The following RPS6KL1 variants were observed in gnomAD, a reference collection of about 807,000 sequenced individuals.
RPS6KL1 encodes ribosomal protein S6 kinase-like 1.
Under a neutral mutation model 57.0 loss-of-function variants are expected in RPS6KL1, and 41 were observed. That is an observed-to-expected ratio of 0.72 (90% CI 0.56 to 0.93). The LOEUF is 0.93. RPS6KL1 is among the 40% of genes least tolerant of loss of function. RPS6KL1 has a pLI of 0.00. For synonymous variants in RPS6KL1, 287 were observed against 309.7 expected, an observed-to-expected ratio of 0.93 and a Z score of 0.77; for missense variants, 697 against 727.7, an observed-to-expected ratio of 0.96 and a Z score of 0.49.
rs979190949 is a variant in RPS6KL1 at position 74,905,968 on chromosome 14, C to T, written c.*1046G>A. The T allele has an allele frequency of 6.5e-6, 1 of 154,920 alleles. No homozygotes were observed. The highest frequency in any genetic ancestry group is 1.4e-5 in the Non-Finnish European group (1 of 69,646). The allele number at this position is 154,920 out of a possible 1,614,324, so 9.6% of individuals were successfully genotyped here. On this transcript the variant is annotated 3_prime_UTR_variant, in exon 12 of 12. Coordinates refer to ENST00000557413, the MANE Select transcript of RPS6KL1 (RefSeq NM_031464.5). ...ACAGGGTGAACCCTGAGAGGAGCCCCCAAACTGGAGGCAATTGTCTTTGAG... is the reference window on the plus strand; with the variant it reads ...ACAGGGTGAACCCTGAGAGGAGCCCTCAAACTGGAGGCAATTGTCTTTGAG...
chr14:74,912,228 A>ATGCACTG (rs1886128045), intron 5 of RPS6KL1, among the ~76,000 whole-genome samples: 1 of 152,120 alleles, frequency 6.6e-6, no homozygotes, highest in South Asian at 2.1e-4. Flanking sequence ...TGCTAGACAC[A>ATGCACTG]TGCACTGTGA....
chr14:74,909,070 T>G (rs1265935227), intron 9 of RPS6KL1, 31 bp downstream of exon 9: 3 of 1,608,090 alleles, frequency 1.9e-6, no homozygotes, highest in Non-Finnish European at 2.6e-6. Flanking sequence ...ACCCAGGTGC[T>G]AAGGCCCACC....
At position 74,910,123 on chromosome 14, in the gene RPS6KL1, G is replaced by T; in HGVS notation, c.690C>A (p.Leu230=). The change falls in exon 8 of 12, where the codon CTC becomes CTA. Residue 230 remains leucine (L), a synonymous_variant. Coordinates refer to ENST00000557413, the MANE Select transcript of RPS6KL1 (RefSeq NM_031464.5). The part of the protein sequence containing the change: ...VQGGTLWSHL[L]SQAHSRHSGL... ...CAGAATGTCGGGAGTGCGCCTGGGAGAGCAGGTGGGACCAGAGAGTGCCTC... is the reference window on the plus strand; with the variant it reads ...CAGAATGTCGGGAGTGCGCCTGGGATAGCAGGTGGGACCAGAGAGTGCCTC... The T allele has an allele frequency of 6.4e-7, 1 of 1,559,526 alleles. No individual in the cohort carries two copies. Among genetic ancestry groups the T allele is most frequent in the Non-Finnish European group, 8.7e-7 (1 of 1,155,620 alleles).
intron 5 of RPS6KL1, among the ~76,000 whole-genome samples, chr14:74,918,107 T>TTTATG (rs1335206702): frequency 6.6e-6 from 1 of 151,458 alleles, no homozygotes; most frequent in Non-Finnish European, 1.5e-5. Flanking sequence ...TTTATTTTAT[T>TTTATG]TTATTTTATA....
rs545937783 is a variant in RPS6KL1, at chr14:74,921,461, G to A, written c.81C>T (p.His27=). 1.4e-5 allele frequency: 22 copies of A among 1,614,138 alleles called. No homozygotes were observed. The East Asian group carries it at 2.9e-4, about 21-fold the overall frequency. The change falls in exon 3 of 12, where the codon CAC becomes CAT. Residue 27 remains histidine (H), a synonymous_variant. Coordinates refer to ENST00000557413, the MANE Select transcript of RPS6KL1 (RefSeq NM_031464.5). The part of the protein sequence containing the change: ...EPCSRARSQA[H]VYLEQIRNRV... Reference sequence around the variant, plus strand: ...TGTTGCGAATCTGCTCCAGGTACACGTGAGCTTGGGACCGTGCTCGTGAGC... The same window carrying A: ...TGTTGCGAATCTGCTCCAGGTACACATGAGCTTGGGACCGTGCTCGTGAGC...
rs200173664 is a variant in RPS6KL1 at position 74,909,608 on chromosome 14, G to A, written c.1205C>T (p.Ala402Val). 5.0e-5 allele frequency: 80 copies of A among 1,612,256 alleles called. No individual in the cohort carries two copies. The highest frequency in any genetic ancestry group is 7.7e-5 in the South Asian group (7 of 91,070). The part of the protein sequence containing the change: ...WAAEMLVALE[A>V]LHEQGVLCRD... ...GCACAGCACCCCCTGCTCGTGCAGCGCCTCCAGCGCTACCAGCATCTCTGC... is the reference window on the plus strand; with the variant it reads ...GCACAGCACCCCCTGCTCGTGCAGCACCTCCAGCGCTACCAGCATCTCTGC... Residue 402 changes from alanine to valine, a missense_variant, in exon 8 of 12, where the codon GCG becomes GTG. Ala to Val is a moderately conservative substitution (Grantham distance 64). Coordinates refer to ENST00000557413, the MANE Select transcript of RPS6KL1 (RefSeq NM_031464.5).
At chr14:74,918,648 G>A in intron 4 of RPS6KL1, 43 bp from the exon 5 acceptor site, 2 of 1,443,542 alleles carry the variant, frequency 1.4e-6, no homozygotes, top group South Asian at 1.3e-5. Flanking sequence ...TCAGGGCCGA[G>A]CCCTCCTTGG....
Position 74,909,759 on chromosome 14 carries a change from C to A in RPS6KL1, c.1054G>T (p.Ala352Ser), listed in dbSNP as rs750429877. The A allele has an allele frequency of 6.2e-7, 1 of 1,606,794 alleles. No individual in the cohort carries two copies. The highest frequency in any genetic ancestry group is 8.5e-7 in the Non-Finnish European group (1 of 1,178,250). Reference sequence around the variant, plus strand: ...CCACAGCCCCCTAGCACCGGGCCGGCCCCCTCAGGAACCCAAGTGAGCCCC... The same window carrying A: ...CCACAGCCCCCTAGCACCGGGCCGGACCCCTCAGGAACCCAAGTGAGCCCC... ...PRGLTWVPEG[A>S]GPVLGGCGRG... The change falls in exon 8 of 12, where the codon GCC becomes TCC. Residue 352 changes from alanine to serine, a missense_variant. Physicochemically the swap from Ala to Ser is moderately conservative, Grantham distance 99. Coordinates refer to ENST00000557413, the MANE Select transcript of RPS6KL1 (RefSeq NM_031464.5).
At chr14:74,916,915 C>A (rs143072988) in intron 5 of RPS6KL1, among the ~76,000 whole-genome samples, 42 of 152,328 alleles carry the variant, frequency 2.8e-4, no homozygotes, top group African/African-American at 9.9e-4. Context: ...CCTCTCACCA[C>A]AACACCTATG....
chr14:74,922,949 T>C (rs1366118482), intron 1 of RPS6KL1, among the ~76,000 whole-genome samples: 2 of 152,156 alleles, frequency 1.3e-5, no homozygotes, highest in Non-Finnish European at 2.9e-5. Context: ...CCAGGGGAAC[T>C]TGAGGCTCTG....
chr14:74,907,308 C>G, intron 11 of RPS6KL1, 127 bp downstream of exon 11: 8 of 1,455,550 alleles, frequency 5.5e-6, no homozygotes, highest in Non-Finnish European at 7.3e-6. Flanking sequence ...TGTGTTGCCC[C>G]TACTGCCCTC....
At chr14:74,911,700 C>A in intron 6 of RPS6KL1, 94 bp downstream of exon 6, 1 of 1,200,470 alleles carries the variant, frequency 8.3e-7, no homozygotes, top group Non-Finnish European at 1.2e-6. Context: ...GGAGGGAGTG[C>A]AGGCTTCAAA....
At chr14:74,916,827 T>A (rs1212895404) in intron 5 of RPS6KL1, among the ~76,000 whole-genome samples, 1 of 152,194 alleles carries the variant, frequency 6.6e-6, no homozygotes, top group Admixed American at 6.5e-5. Context: ...ACCTAAACAC[T>A]CTAAGAACTC....
chr14:74,915,615 T>C (rs1331156578), intron 5 of RPS6KL1, among the ~76,000 whole-genome samples: 1 of 152,054 alleles, frequency 6.6e-6, no homozygotes, highest in African/African-American at 2.4e-5. Flanking sequence ...TGTGAGCAAA[T>C]AGGCAGGGTG....
intron 5 of RPS6KL1, among the ~76,000 whole-genome samples, chr14:74,912,147 T>C (rs1886108070): frequency 6.6e-6 from 1 of 152,150 alleles, no homozygotes; most frequent in Non-Finnish European, 1.5e-5. Flanking sequence ...CTTCACACTG[T>C]CTAATCTGTC....
At chr14:74,915,006 C>T (rs2140309129) in intron 5 of RPS6KL1, among the ~76,000 whole-genome samples, 1 of 152,336 alleles carries the variant, frequency 6.6e-6, no homozygotes, top group African/African-American at 2.4e-5. Flanking sequence ...GCCGCTGCGC[C>T]CAGCCCCGCT....
At position 74,903,994 on chromosome 14, in the gene RPS6KL1, G is replaced by C. The variant is rs990772503; in HGVS notation, c.*3020C>G. ...GATTTATTCTGAGCCAAGTGTGAGTGACTGATGGCCTGTGATACAACTCTT... is the reference window on the plus strand; with the variant it reads ...GATTTATTCTGAGCCAAGTGTGAGTCACTGATGGCCTGTGATACAACTCTT... On this transcript the variant is annotated 3_prime_UTR_variant, in exon 12 of 12. Coordinates refer to ENST00000557413, the MANE Select transcript of RPS6KL1 (RefSeq NM_031464.5). 5.3e-5 allele frequency: 8 copies of C among 152,232 alleles called. No individual in the cohort carries two copies. The highest frequency in any genetic ancestry group is 1.0e-4 in the Non-Finnish European group (7 of 68,042). 9.4% of individuals were successfully genotyped at this position (152,232 alleles called of 1,614,324 possible). A position where few individuals can be genotyped will look rare whatever the true frequency, so the allele number is the denominator to read the frequency against.
intron 1 of RPS6KL1, among the ~76,000 whole-genome samples, chr14:74,922,835 G>A (rs924658092): frequency 2.6e-5 from 4 of 152,244 alleles, no homozygotes; most frequent in Admixed American, 6.5e-5. Context: ...ATGGGCGGTG[G>A]GGCGGGGAGG....
Position 74,911,231 on chromosome 14 carries a change from G to GCC in RPS6KL1, c.664+15_664+16dup. The GCC allele has an allele frequency of 6.2e-7, 1 of 1,608,588 alleles. No individual in the cohort carries two copies. The highest frequency in any genetic ancestry group is 1.1e-5 in the South Asian group (1 of 91,034). ...CAAAGGCCTGGGGAGCTGACAGGGG[G>GCC]CCCCAGGCCTGCTCACCTTGCACAT... is the stretch of plus-strand genomic sequence containing the variant. On this transcript the variant is annotated intron_variant, in intron 7 of 11. Transcript: ENST00000557413.
Sources: allele counts gnomAD v4.1 joint callset (sites outside exome capture counted in the v4.1 genomes callset), GRCh38; gene constraint gnomAD v4.1.1; transcripts MANE v1.5; gene names NCBI Gene and HGNC (gene_info 2026-07-23, HGNC 2026-07-21).